POMK: variants seen among roughly 807,000 people sequenced by gnomAD.
The protein encoded by POMK is Sugen kinase 196.
A neutral mutation model predicts 23.0 loss-of-function variants in POMK; 19 were observed. The ratio of observed to expected loss-of-function variants is 0.83; its 90% CI spans 0.58 to 1.21. The LOEUF (loss-of-function observed/expected upper bound fraction) is 1.21, where lower values mean the gene tolerates loss of function less well. POMK is among the 50% of genes most tolerant of loss of function. POMK has a pLI of 0.00. For synonymous variants in POMK, 173 were observed against 171.6 expected (o/e 1.01, Z -0.06); for missense variants, 410 against 431.3 (o/e 0.95, Z 0.44).
At chr8:43,105,745 A>C (rs1162882423) in intron 4 of POMK, among the ~76,000 whole-genome samples, 1 of 151,794 alleles carries the variant, frequency 6.6e-6, no homozygotes, top group Non-Finnish European at 1.5e-5. Flanking sequence ...ACTCACTACC[A>C]CCTCCACTTC....
At position 43,122,061 on chromosome 8, in the gene POMK, A is replaced by T. The variant is rs374327562; in HGVS notation, c.283-46A>T. On this transcript the variant is annotated intron_variant, in intron 4 of 4. Transcript: ENST00000331373. ...ATATTTGTTGTTCTTTGGTCACTAA[A>T]TTAGGTGAGAGTTCAGGCCTGATGC... The T allele has an allele frequency of 2.3e-5, 36 of 1,570,230 alleles. No homozygotes were observed. The African/African-American group carries it at 4.3e-4, about 19-fold the overall frequency.
intron 4 of POMK, among the ~76,000 whole-genome samples, 163 bp downstream of exon 4, chr8:43,103,993 G>A (rs918014375): frequency 6.6e-6 from 1 of 152,186 alleles, no homozygotes; most frequent in Non-Finnish European, 1.5e-5. Flanking sequence ...GGTTGATTCT[G>A]TATCTTGGCA....
At chr8:43,110,123 A>G (rs1811620398) in intron 4 of POMK, among the ~76,000 whole-genome samples, 1 of 152,250 alleles carries the variant, frequency 6.6e-6, no homozygotes, top group African/African-American at 2.4e-5. Context: ...AGAAATCCAC[A>G]TTCCCATGCC....
chr8:43,111,817 G>A (rs1182937056), intron 4 of POMK, among the ~76,000 whole-genome samples: 2 of 152,210 alleles, frequency 1.3e-5, no homozygotes, highest in African/African-American at 4.8e-5. Flanking sequence ...ACAGGGTCTG[G>A]AGTGGACTTC....
chr8:43,120,548 GTATAAATATA>G lies in POMK; in HGVS notation c.283-1556_283-1547del, dbSNP rs529695839. 5.3e-3 allele frequency among the ~76,000 whole-genome samples: 809 copies of G among 151,896 alleles called. 2 individuals are homozygous for G. The highest frequency in any genetic ancestry group is 0.027 in the Middle Eastern group (8 of 294). ...ACCATTACTTTTATCTGTTATAACT[GTATAAATATA>G]TACATTTTGGTGACCGCATGATATA... On this transcript the variant is annotated intron_variant, in intron 4 of 4. Coordinates refer to ENST00000331373, the MANE Select transcript of POMK (RefSeq NM_032237.5).
At chr8:43,099,767 T>C (rs1173935441) in intron 2 of POMK, among the ~76,000 whole-genome samples, 1 of 152,124 alleles carries the variant, frequency 6.6e-6, no homozygotes, top group African/African-American at 2.4e-5. Flanking sequence ...ACACACTGTT[T>C]GTAGTAATAG....
Position 43,122,464 on chromosome 8 carries a change from C to T in POMK, c.640C>T (p.Gln214Ter). 4 of 1,614,140 alleles carry T rather than the reference C, an allele frequency of 2.5e-6. No homozygotes were observed. Among genetic ancestry groups the T allele is most frequent in the Non-Finnish European group, 3.4e-6 (4 of 1,179,990 alleles). ...CAACGACCTGCCGAAGACACTGTCC[C>T]AGTATCTGCTAACAAGCAACTTCAG... ...DSNDLPKTLS[Q>*]YLLTSNFSIL... The change falls in exon 5 of 5, where the codon CAG becomes TAG. Residue 214 changes from glutamine to a stop codon, truncating the protein, a stop_gained. Coordinates refer to ENST00000331373, the MANE Select transcript of POMK (RefSeq NM_032237.5). LOFTEE classifies it high-confidence loss of function.
chr8:43,094,437 C>T (rs990366170), intron 1 of POMK, among the ~76,000 whole-genome samples: 1 of 152,130 alleles, frequency 6.6e-6, no homozygotes, highest in Non-Finnish European at 1.5e-5. Flanking sequence ...CAGCTCTTTG[C>T]CTTTGGGTGT....
In POMK at chr8:43,101,232, G is replaced by T. The variant is rs189727824; in HGVS notation, c.-117-1273G>T. Among the ~76,000 whole-genome samples the T allele has an allele frequency of 9.2e-5, 14 of 152,004 alleles. No homozygotes were observed. In the East Asian group the frequency reaches 2.5e-3, roughly 27 times the overall value. ...GAGGCCAGGAGTTCAAGGCCAGCCT[G>T]AGCAACATCGTGAGACCCAGTCTCT... On this transcript the variant is annotated intron_variant, in intron 2 of 4. Transcript: ENST00000331373.
chr8:43,107,609 G>A (rs1392600255), intron 4 of POMK, among the ~76,000 whole-genome samples: 1 of 152,006 alleles, frequency 6.6e-6, no homozygotes, highest in Non-Finnish European at 1.5e-5. Context: ...TCCTGACCTC[G>A]TGATCTGCCT....
At chr8:43,116,118 CT>C (rs1478776221) in intron 4 of POMK, among the ~76,000 whole-genome samples, 1 of 152,244 alleles carries the variant, frequency 6.6e-6, no homozygotes, top group African/African-American at 2.4e-5. Context: ...TTCCAATATA[CT>C]TTATACATTT....
In POMK at chr8:43,121,491, G is replaced by A. The variant is rs141692565; in HGVS notation, c.283-616G>A. On this transcript the variant is annotated intron_variant, in intron 4 of 4. Transcript: ENST00000331373. ...GAAGTAACACCAAACCACAGAACAT[G>A]CAAAAATGTTTTCCTTACATATAAA... 2.2e-4 allele frequency among the ~76,000 whole-genome samples: 33 copies of A among 152,314 alleles called. No individual in the cohort carries two copies. The East Asian group carries it at 4.1e-3, about 19-fold the overall frequency.
At chr8:43,117,027 C>A (rs1351760797) in intron 4 of POMK, among the ~76,000 whole-genome samples, 2 of 152,006 alleles carry the variant, frequency 1.3e-5, no homozygotes, top group South Asian at 4.2e-4. Context: ...AGTGGGGGAG[C>A]TTTTTGAGCC....
chr8:43,120,473 G>A (rs1419956982), intron 4 of POMK, among the ~76,000 whole-genome samples: 4 of 151,914 alleles, frequency 2.6e-5, no homozygotes, highest in Non-Finnish European at 4.4e-5. Flanking sequence ...TGCCTGCCTT[G>A]GCTTCCAAAA....
At chr8:43,098,569 C>G (rs1030020799) in intron 2 of POMK, among the ~76,000 whole-genome samples, 1 of 152,188 alleles carries the variant, frequency 6.6e-6, no homozygotes, top group Non-Finnish European at 1.5e-5. Flanking sequence ...GATAATGCTT[C>G]CGTGAACATT....
chr8:43,118,887 T>G (rs898845850), intron 4 of POMK, among the ~76,000 whole-genome samples: 1 of 152,128 alleles, frequency 6.6e-6, no homozygotes, highest in Non-Finnish European at 1.5e-5. Flanking sequence ...AACTGCAAGC[T>G]CCGCCTCCAC....
At chr8:43,116,374 C>G (rs1586678117) in intron 4 of POMK, among the ~76,000 whole-genome samples, 1 of 152,306 alleles carries the variant, frequency 6.6e-6, no homozygotes, top group East Asian at 1.9e-4. Context: ...CAGTGATCCT[C>G]CCACCTCAGC....
chr8:43,117,863 T>A (rs1811829772), intron 4 of POMK, among the ~76,000 whole-genome samples: 1 of 152,216 alleles, frequency 6.6e-6, no homozygotes, highest in Non-Finnish European at 1.5e-5. Flanking sequence ...AGGGTAATGA[T>A]GGCAATAGAT....
At chr8:43,121,573 C>G (rs781612368) in intron 4 of POMK, among the ~76,000 whole-genome samples, 8 of 152,214 alleles carry the variant, frequency 5.3e-5, no homozygotes, top group Non-Finnish European at 1.0e-4. Flanking sequence ...AACATTGTTA[C>G]ACGTGATGGG....
Sources: allele counts gnomAD v4.1 joint callset (sites outside exome capture counted in the v4.1 genomes callset), GRCh38; gene constraint gnomAD v4.1.1; transcripts MANE v1.5; gene names NCBI Gene and HGNC (gene_info 2026-07-23, HGNC 2026-07-21).